The following CYP7B1 variants were observed in gnomAD, a reference collection of about 807,000 sequenced individuals.
CYP7B1 encodes cytochrome P450 7B1.
Under a neutral mutation model 42.7 loss-of-function variants are expected in CYP7B1, and 29 were observed. The ratio of observed to expected loss-of-function variants is 0.68; its 90% CI spans 0.51 to 0.93. The LOEUF (loss-of-function observed/expected upper bound fraction) is 0.93. Ranked by LOEUF, CYP7B1 falls within the 40% of genes least tolerant of loss-of-function variation. The probability of loss-of-function intolerance (pLI) is 0.00; values close to 1 mark genes in which losing one functional copy is unlikely to be tolerated. For missense variants in CYP7B1, 655 were observed against 600.5 expected (o/e 1.09, Z -0.95); for synonymous variants, 235 against 218.2 (o/e 1.08, Z -0.68).
intron 1 of CYP7B1, among the ~76,000 whole-genome samples, chr8:64,700,837 A>G (rs527504722): frequency 6.6e-6 from 1 of 152,236 alleles, no homozygotes; most frequent in East Asian, 1.9e-4. Flanking sequence ...ACACACTTCC[A>G]ATTCTTAAGG....
rs192900890 is a variant in CYP7B1 at position 64,654,685 on chromosome 8, T to C, written c.123-30146A>G. Among the ~76,000 whole-genome samples the C allele has an allele frequency of 2.6e-5, 4 of 152,276 alleles. No homozygotes were observed. In the East Asian group the frequency reaches 5.8e-4, roughly 22 times the overall value. ...AGAGAAAACTATTTTTAAATTCATA[T>C]GGAACCAAAAAAGAGCCCAAATAGC... On this transcript the variant is annotated intron_variant, in intron 1 of 5. Coordinates refer to ENST00000310193, the MANE Select transcript of CYP7B1 (RefSeq NM_004820.5).
At chr8:64,752,706 A>G (rs542560862) in intron 1 of CYP7B1, among the ~76,000 whole-genome samples, 1 of 152,336 alleles carries the variant, frequency 6.6e-6, no homozygotes, top group East Asian at 1.9e-4. Context: ...ATGTAAGTCT[A>G]TACATGTATG....
chr8:64,750,077 C>G (rs1002434900), intron 1 of CYP7B1, among the ~76,000 whole-genome samples: 1 of 152,170 alleles, frequency 6.6e-6, no homozygotes, highest in Non-Finnish European at 1.5e-5. Flanking sequence ...TGTAATGATA[C>G]TCCAGGAAAA....
chr8:64,689,399 T>A (rs1457389678), intron 1 of CYP7B1, among the ~76,000 whole-genome samples: 1 of 152,200 alleles, frequency 6.6e-6, no homozygotes, highest in East Asian at 1.9e-4. Context: ...CAGGCATGTA[T>A]GAGAAATATT....
intron 1 of CYP7B1, among the ~76,000 whole-genome samples, chr8:64,692,709 A>G (rs1194050833): frequency 1.3e-5 from 2 of 152,182 alleles, no homozygotes; most frequent in Non-Finnish European, 2.9e-5. Context: ...ATAATTATCC[A>G]TATTTTTTAT....
In CYP7B1 at chr8:64,625,118, C is replaced by T. The variant is rs538098454; in HGVS notation, c.123-579G>A. 2.6e-4 allele frequency among the ~76,000 whole-genome samples: 40 copies of T among 151,856 alleles called. 1 individual carries two copies. Among genetic ancestry groups the T allele is most frequent in the African/African-American group, 9.7e-4 (40 of 41,386 alleles). On this transcript the variant is annotated intron_variant, in intron 1 of 5. Transcript: ENST00000310193. ...CCTCCCAAGTAGCTGGGACTACAGG[C>T]GCCTGCCACCACACCCGGCTAATTT...
chr8:64,735,836 CT>C (rs753086053), intron 1 of CYP7B1, among the ~76,000 whole-genome samples: 39 of 152,110 alleles, frequency 2.6e-4, no homozygotes, highest in Non-Finnish European at 5.7e-4. Flanking sequence ...CAGAGGGACT[CT>C]AGTGTATCTG....
At chr8:64,777,405 GT>G (rs983378121) in intron 1 of CYP7B1, among the ~76,000 whole-genome samples, 1 of 151,978 alleles carries the variant, frequency 6.6e-6, no homozygotes, top group Non-Finnish European at 1.5e-5. Flanking sequence ...AACCACTTAA[GT>G]TTTTTCCCCA....
rs367673710 is a variant in CYP7B1, at chr8:64,670,536, C to T, written c.123-45997G>A. Among the ~76,000 whole-genome samples, 323 of 152,136 alleles carry T rather than the reference C, an allele frequency of 2.1e-3. 1 individual carries two copies. Among genetic ancestry groups the T allele is most frequent in the South Asian group, 5.8e-3 (28 of 4,812 alleles). Reference sequence around the variant, plus strand: ...AAAATAGCTTAAATGAGTCACCTTCCCCACCCAATTAAGAGCTGACCCACA... The same window carrying T: ...AAAATAGCTTAAATGAGTCACCTTCTCCACCCAATTAAGAGCTGACCCACA... On this transcript the variant is annotated intron_variant, in intron 1 of 5. Coordinates refer to ENST00000310193, the MANE Select transcript of CYP7B1 (RefSeq NM_004820.5).
At chr8:64,643,164 CATATATACAT>C (rs1266881243) in intron 1 of CYP7B1, among the ~76,000 whole-genome samples, 13 of 117,750 alleles carry the variant, frequency 1.1e-4, no homozygotes, top group African/African-American at 3.8e-4. Flanking sequence ...CATATATACA[CATATATACAT>C]ATATATACAT....
chr8:64,711,347 C>A (rs542836034), intron 1 of CYP7B1, among the ~76,000 whole-genome samples: 12 of 152,264 alleles, frequency 7.9e-5, no homozygotes, highest in Non-Finnish European at 1.5e-4. Flanking sequence ...AACCTCCTGG[C>A]GTCTCTCCTG....
At chr8:64,682,689 TG>T (rs1806557101) in intron 1 of CYP7B1, among the ~76,000 whole-genome samples, 1 of 152,192 alleles carries the variant, frequency 6.6e-6, no homozygotes, top group African/African-American at 2.4e-5. Context: ...TGCTCCTCTC[TG>T]CACGTGCTCT....
intron 1 of CYP7B1, among the ~76,000 whole-genome samples, chr8:64,647,864 T>C (rs1228094010): frequency 1.3e-5 from 2 of 152,116 alleles, no homozygotes; most frequent in Non-Finnish European, 2.9e-5. Flanking sequence ...GAAATAATAT[T>C]TAATCTGGGT....
chr8:64,627,849 A>G (rs1249944270), intron 1 of CYP7B1, among the ~76,000 whole-genome samples: 3 of 152,236 alleles, frequency 2.0e-5, no homozygotes, highest in Non-Finnish European at 4.4e-5. Context: ...AAGATAGATA[A>G]CAGAAATCTG....
chr8:64,747,039 T>C (rs1807653249), intron 1 of CYP7B1, among the ~76,000 whole-genome samples: 3 of 151,344 alleles, frequency 2.0e-5, no homozygotes, highest in South Asian at 4.1e-4. Flanking sequence ...GCTATGTCAA[T>C]ATGAATTTGA....
chr8:64,734,007 TA>T (rs1807451471), intron 1 of CYP7B1, among the ~76,000 whole-genome samples: 1 of 151,954 alleles, frequency 6.6e-6, no homozygotes. Flanking sequence ...AAAATAAAAA[TA>T]AAAGTCACTT....
intron 1 of CYP7B1, among the ~76,000 whole-genome samples, chr8:64,664,357 AG>A (rs1161832185): frequency 6.6e-6 from 1 of 152,242 alleles, no homozygotes; most frequent in Non-Finnish European, 1.5e-5. Flanking sequence ...TAATAATAAT[AG>A]CTATTATTTA....
chr8:64,689,150 T>C (rs1178042078), intron 1 of CYP7B1, among the ~76,000 whole-genome samples: 1 of 152,226 alleles, frequency 6.6e-6, no homozygotes, highest in Non-Finnish European at 1.5e-5. Context: ...TATCAAACTA[T>C]AAAATCATGT....
intron 1 of CYP7B1, among the ~76,000 whole-genome samples, chr8:64,654,912 G>T (rs1338190189): frequency 2.6e-5 from 4 of 152,148 alleles, no homozygotes; most frequent in Non-Finnish European, 5.9e-5. Context: ...ACAAAAACAA[G>T]CAATGAGGAA....
Sources: gnomAD v4.1 joint callset for allele counts (sites outside exome capture counted in the v4.1 genomes callset) on GRCh38, gnomAD v4.1.1 for gene constraint, MANE v1.5 for transcripts, NCBI Gene and HGNC (gene_info 2026-07-23, HGNC 2026-07-21) for gene names.